Variants in SEC14L1 observed in about 807,000 individuals in gnomAD.
SEC14L1 encodes SEC14-like protein 1.
A neutral mutation model predicts 85.3 loss-of-function variants in SEC14L1; 48 were observed. The observed-to-expected ratio is 0.56, with a 90% CI of 0.45 to 0.72. The LOEUF (loss-of-function observed/expected upper bound fraction) is 0.72. SEC14L1 is among the 30% of genes least tolerant of loss of function. The pLI is 0.00. For missense variants in SEC14L1, 682 were observed against 921.4 expected, an observed-to-expected ratio of 0.74 and a Z score of 3.36; for synonymous variants, 391 against 355.5, an observed-to-expected ratio of 1.10 and a Z score of -1.12.
chr17:77,179,714 G>A (rs1159474216), intron 3 of SEC14L1, among the ~76,000 whole-genome samples: 4 of 151,434 alleles, frequency 2.6e-5, no homozygotes, highest in Non-Finnish European at 4.4e-5. Flanking sequence ...TCACTCTGTC[G>A]CCCAGGCTGG....
At position 77,149,139 on chromosome 17, in the gene SEC14L1, C is replaced by T. The variant is rs142340382; in HGVS notation, c.63+5480C>T. On this transcript the variant is annotated intron_variant, in intron 3 of 16. Coordinates refer to ENST00000436233, the MANE Select transcript of SEC14L1 (RefSeq NM_001143998.2). Reference sequence around the variant, plus strand: ...GCCATTCATGTTTCTCTCCCTTCCCCGGGACACATTCTTAATGTTGGAGTT... The same window carrying T: ...GCCATTCATGTTTCTCTCCCTTCCCTGGGACACATTCTTAATGTTGGAGTT... 2.1e-4 allele frequency among the ~76,000 whole-genome samples: 32 copies of T among 152,294 alleles called. No homozygotes were observed. In the East Asian group the frequency reaches 5.0e-3, roughly 24 times the overall value.
chr17:77,203,454 CTT>C, intron 9 of SEC14L1, 114 bp from the exon 10 acceptor site: 2 of 844,026 alleles, frequency 2.4e-6, no homozygotes, highest in East Asian at 5.6e-5. Flanking sequence ...ATCAGAAAGA[CTT>C]TTAAGCGCCC....
In SEC14L1 at chr17:77,206,404, G is replaced by C. The variant is rs372264370; in HGVS notation, c.1341+4G>C. On this transcript the variant is annotated splice_donor_region_variant and intron_variant, in intron 12 of 16. Transcript: ENST00000436233. This position sits in a 1 kb window ranked among gnomAD's most constrained non-coding sequence, Gnocchi z 4.3. ...ATTTCCTGTGCTCTGGACGCTGGTG[G>C]GTTGAGATGCTTTTTGCAGTAACTG... 12 of 1,612,108 alleles carry C rather than the reference G, an allele frequency of 7.4e-6. No homozygotes were observed. The African/African-American group carries it at 1.6e-4, about 22-fold the overall frequency.
At chr17:77,180,760 C>T (rs117238324) in intron 3 of SEC14L1, among the ~76,000 whole-genome samples, 4,697 of 152,208 alleles carry the variant, frequency 0.031, 106 homozygotes, top group Non-Finnish European at 0.044. Context: ...GACAAGTGGA[C>T]GGGTATGCCG....
intron 2 of SEC14L1, among the ~76,000 whole-genome samples, chr17:77,091,103 GT>G (rs1337611811): frequency 6.6e-6 from 1 of 151,832 alleles, no homozygotes; most frequent in Non-Finnish European, 1.5e-5. Flanking sequence ...GTTTTGTTTT[GT>G]TTGAGATGGA....
At chr17:77,163,342 A>G (rs1974150871) in intron 3 of SEC14L1, among the ~76,000 whole-genome samples, 1 of 144,854 alleles carries the variant, frequency 6.9e-6, no homozygotes, top group South Asian at 2.2e-4. Context: ...CTTTAAGACC[A>G]GTGTTAACTC....
chr17:77,141,909 T>C (rs1420176884), intron 1 of SEC14L1, among the ~76,000 whole-genome samples: 1 of 152,202 alleles, frequency 6.6e-6, no homozygotes, highest in Non-Finnish European at 1.5e-5. Flanking sequence ...GGATTCCCAC[T>C]GTGCACCAAC....
At chr17:77,163,831 C>T (rs1037599216) in intron 3 of SEC14L1, among the ~76,000 whole-genome samples, 1 of 152,162 alleles carries the variant, frequency 6.6e-6, no homozygotes, top group Non-Finnish European at 1.5e-5. Flanking sequence ...CCCCAAGTTG[C>T]AATTCTCTTT....
intron 3 of SEC14L1, among the ~76,000 whole-genome samples, chr17:77,098,664 G>A (rs1971702341): frequency 6.6e-6 from 1 of 152,104 alleles, no homozygotes; most frequent in African/African-American, 2.4e-5. Context: ...GCCCTTCACT[G>A]CAGTGATGAA....
At chr17:77,196,988 A>G (rs536051338) in intron 8 of SEC14L1, among the ~76,000 whole-genome samples, 2 of 152,152 alleles carry the variant, frequency 1.3e-5, no homozygotes, top group African/African-American at 2.4e-5. Context: ...TGTTTTTCTC[A>G]CTGGTTTTAC....
At chr17:77,089,306 G>A (rs781365389) in intron 2 of SEC14L1, 3 of 489,606 alleles carry the variant, frequency 6.1e-6, no homozygotes. Flanking sequence ...GTTCAGGTCA[G>A]ACGGTCTGGG....
Position 77,216,320 on chromosome 17 carries a change from T to C in SEC14L1, c.*2297T>C. 7.5e-7 allele frequency: 1 copy of C among 1,328,148 alleles called. No homozygotes were observed. Among genetic ancestry groups the C allele is most frequent in the East Asian group, 3.1e-5 (1 of 31,816 alleles). 82.3% of individuals were successfully genotyped at this position (1,328,148 alleles called of 1,614,324 possible). A position where few individuals can be genotyped will look rare whatever the true frequency, so the allele number is the denominator to read the frequency against. On this transcript the variant is annotated 3_prime_UTR_variant, in exon 17 of 17. Coordinates refer to ENST00000436233, the MANE Select transcript of SEC14L1 (RefSeq NM_001143998.2). ...AGGTAGGGCTAGTAGGTAGGGCTAGTAGGTAGGGCTAGTAGGTAGGGTTAG... is the reference window on the plus strand; with the variant it reads ...AGGTAGGGCTAGTAGGTAGGGCTAGCAGGTAGGGCTAGTAGGTAGGGTTAG...
intron 9 of SEC14L1, 72 bp downstream of exon 9, chr17:77,200,745 C>T (rs959678561): frequency 6.8e-7 from 1 of 1,480,834 alleles, no homozygotes; most frequent in Non-Finnish European, 9.2e-7. Context: ...TCCAAGGCCT[C>T]CTTCCCTGGA....
intron 7 of SEC14L1, 83 bp from the exon 8 acceptor site, chr17:77,196,119 C>T (rs1445161374): frequency 9.4e-6 from 10 of 1,063,252 alleles, no homozygotes; most frequent in African/African-American, 3.1e-5. Flanking sequence ...TAGGACCACA[C>T]GTTAACTCCA....
chr17:77,116,130 G>T (rs1972167492), intron 3 of SEC14L1, among the ~76,000 whole-genome samples: 1 of 151,938 alleles, frequency 6.6e-6, no homozygotes, highest in African/African-American at 2.4e-5. Context: ...ATGTTGCCCA[G>T]GTTGGTCTCA....
intron 15 of SEC14L1, 61 bp downstream of exon 15, chr17:77,212,262 CTT>C: frequency 6.3e-6 from 10 of 1,582,794 alleles, no homozygotes; most frequent in Non-Finnish European, 8.6e-6. Flanking sequence ...GTGATTCTGT[CTT>C]GAGTAGACTC....
chr17:77,098,294 T>C (rs1378249354), intron 3 of SEC14L1, among the ~76,000 whole-genome samples: 4 of 151,816 alleles, frequency 2.6e-5, no homozygotes, highest in Non-Finnish European at 5.9e-5. Context: ...AGGTCAGGAG[T>C]TCGAAACCAG....
At chr17:77,179,827 A>G (rs1415486505) in intron 3 of SEC14L1, among the ~76,000 whole-genome samples, 1 of 151,672 alleles carries the variant, frequency 6.6e-6, no homozygotes, top group Non-Finnish European at 1.5e-5. Flanking sequence ...GGCGCCCGCC[A>G]CCACGCCCGG....
intron 3 of SEC14L1, among the ~76,000 whole-genome samples, chr17:77,118,959 G>C (rs1338687423): frequency 1.3e-5 from 2 of 152,128 alleles, no homozygotes; most frequent in Non-Finnish European, 2.9e-5. Flanking sequence ...CATCCCAAAA[G>C]CTTGCTTAAC....
Sources: allele counts gnomAD v4.1 joint callset (sites outside exome capture counted in the v4.1 genomes callset), GRCh38; gene constraint gnomAD v4.1.1; non-coding constraint Gnocchi (gnomAD v3.1); transcripts MANE v1.5; gene names NCBI Gene and HGNC (gene_info 2026-07-23, HGNC 2026-07-21).